ERCC8: variants seen among roughly 807,000 people sequenced by gnomAD.
The protein encoded by ERCC8 is DNA excision repair protein ERCC-8.
A neutral mutation model predicts 54.9 loss-of-function variants in ERCC8; 52 were observed. The ratio of observed to expected loss-of-function variants is 0.95; its 90% CI spans 0.76 to 1.19. ERCC8 has a LOEUF of 1.19. Ranked by LOEUF, ERCC8 falls within the 50% of genes most tolerant of loss-of-function variation. The probability of loss-of-function intolerance (pLI) is 0.00; values close to 1 mark genes in which losing one functional copy is unlikely to be tolerated. For synonymous variants in ERCC8, 146 were observed against 157.2 expected (o/e 0.93, Z 0.53); for missense variants, 514 against 466.1 (o/e 1.10, Z -0.95).
intron 11 of ERCC8, among the ~76,000 whole-genome samples, chr5:60,882,262 G>A (rs1353821693): frequency 6.6e-6 from 1 of 152,176 alleles, no homozygotes; most frequent in South Asian, 2.1e-4. Flanking sequence ...AAAGTTACGT[G>A]TTCCTAGTAC....
chr5:60,940,346 G>T (rs1750221099), intron 1 of ERCC8, among the ~76,000 whole-genome samples: 1 of 152,194 alleles, frequency 6.6e-6, no homozygotes, highest in Admixed American at 6.5e-5. Context: ...TGTTTTCTCT[G>T]TTCATCAGAG....
chr5:60,934,272 G>C (rs1406482077), intron 1 of ERCC8, among the ~76,000 whole-genome samples: 1 of 152,070 alleles, frequency 6.6e-6, no homozygotes, highest in African/African-American at 2.4e-5. Context: ...TTTGATTATG[G>C]TCATTCTTGC....
chr5:60,895,558 A>G (rs1748700673), intron 9 of ERCC8, among the ~76,000 whole-genome samples: 1 of 152,212 alleles, frequency 6.6e-6, no homozygotes, highest in South Asian at 2.1e-4. Context: ...CAAATGAAAT[A>G]ATCCATATGA....
chr5:60,936,356 T>C (rs1427343152), intron 1 of ERCC8, among the ~76,000 whole-genome samples: 2 of 152,278 alleles, frequency 1.3e-5, no homozygotes, highest in South Asian at 2.1e-4. Flanking sequence ...GTAGTAAGGG[T>C]TGTAATATCT....
At chr5:60,939,833 T>C (rs1750205989) in intron 1 of ERCC8, among the ~76,000 whole-genome samples, 1 of 152,208 alleles carries the variant, frequency 6.6e-6, no homozygotes, top group Non-Finnish European at 1.5e-5. Flanking sequence ...TCTCTAGAAC[T>C]ACTGATGAGA....
At chr5:60,918,569 C>T (rs571203558) in intron 3 of ERCC8, 181 bp from the exon 4 acceptor site, 36 of 606,132 alleles carry the variant, frequency 5.9e-5, no homozygotes, top group Admixed American at 1.2e-4. Context: ...TAGATTCAGG[C>T]TCCCACTGTG....
rs1748434025 is a variant in ERCC8, at chr5:60,887,596, AAATAATTAGGTCAT to A, written c.1042-90_1042-77del. ...ACTGAAATGAATTATATCATTTTTGAAATAATTAGGTCATAATAATTAGATTAATGCTATTTCTA... is the reference window on the plus strand; with the variant it reads ...ACTGAAATGAATTATATCATTTTTGAAATAATTAGATTAATGCTATTTCTA... On this transcript the variant is annotated intron_variant, in intron 10 of 11. Coordinates refer to ENST00000676185, the MANE Select transcript of ERCC8 (RefSeq NM_000082.4). The A allele has an allele frequency of 6.3e-5, 67 of 1,071,918 alleles. 1 individual carries two copies. In the South Asian group the frequency reaches 6.8e-4, roughly 11 times the overall value. 66.4% of individuals were successfully genotyped at this position (1,071,918 alleles called of 1,614,324 possible).
chr5:60,925,443 T>C (rs1017297034), intron 2 of ERCC8, among the ~76,000 whole-genome samples: 2 of 152,222 alleles, frequency 1.3e-5, no homozygotes, highest in African/African-American at 2.4e-5. Context: ...CAGACTGCTA[T>C]AGCTCCTTCT....
chr5:60,938,091 T>TATA, intron 1 of ERCC8, among the ~76,000 whole-genome samples: 3 of 6,574 alleles, frequency 4.6e-4, no homozygotes, highest in Non-Finnish European at 5.9e-4. Context: ...ATATATTTTA[T>TATA]TTTTTTTTTT....
chr5:60,866,723 T>G lies in ERCC8; in HGVS notation c.*7892A>C, dbSNP rs1030339861. ...GCCTTCAATGAACTTTAATTATAATTAGTTTAGAACCTAAGCCTCTAATTA... is the reference window on the plus strand; with the variant it reads ...GCCTTCAATGAACTTTAATTATAATGAGTTTAGAACCTAAGCCTCTAATTA... On this transcript the variant is annotated 3_prime_UTR_variant, in exon 12 of 12. Transcript: ENST00000676185. 26 of 152,238 alleles carry G rather than the reference T, an allele frequency of 1.7e-4. No homozygotes were observed. The highest frequency in any genetic ancestry group is 5.5e-4 in the African/African-American group (23 of 41,460). 9.4% of individuals were successfully genotyped at this position (152,238 alleles called of 1,614,324 possible). A position where few individuals can be genotyped will look rare whatever the true frequency, so the allele number is the denominator to read the frequency against.
Position 60,872,671 on chromosome 5 carries a change from T to C in ERCC8, c.*1944A>G, listed in dbSNP as rs1747888182. 6.6e-6 allele frequency among the ~76,000 whole-genome samples: 1 copy of C among 152,198 alleles called. No homozygotes were observed. Among genetic ancestry groups the C allele is most frequent in the South Asian group, 2.1e-4 (1 of 4,828 alleles). ...CAAGGATGTGAAGAAAAAGGATTTC[T>C]TGCATTATTGTGAAGAAAAAGGAAT... On this transcript the variant is annotated 3_prime_UTR_variant, in exon 12 of 12. Transcript: ENST00000676185.
intron 9 of ERCC8, chr5:60,893,594 G>C: frequency 1.6e-6 from 1 of 641,230 alleles, no homozygotes; most frequent in Admixed American, 2.5e-5. Flanking sequence ...CAGCTTGAAA[G>C]CAGATAGGTT....
Position 60,872,346 on chromosome 5 carries a change from CAATT to C in ERCC8, c.*2265_*2268del, listed in dbSNP as rs1380206208. ...AAAAGCTTCTGCACAGCAAAGGAAACAATTAATAGGGTGAAGAGACAACCTACAG... is the reference window on the plus strand; with the variant it reads ...AAAAGCTTCTGCACAGCAAAGGAAACAATAGGGTGAAGAGACAACCTACAG... On this transcript the variant is annotated 3_prime_UTR_variant, in exon 12 of 12. Coordinates refer to ENST00000676185, the MANE Select transcript of ERCC8 (RefSeq NM_000082.4). Among the ~76,000 whole-genome samples, 26 of 152,110 alleles carry C rather than the reference CAATT, an allele frequency of 1.7e-4. No homozygotes were observed. Among genetic ancestry groups the C allele is most frequent in the Non-Finnish European group, 1.5e-5 (1 of 67,978 alleles).
At chr5:60,892,677 GGGTCTGCC>G in intron 9 of ERCC8, 1 of 666,094 alleles carries the variant, frequency 1.5e-6, no homozygotes, top group Middle Eastern at 2.7e-4. Context: ...TGGGGTCATG[GGGTCTGCC>G]AGTCTCTAGA....
intron 11 of ERCC8, among the ~76,000 whole-genome samples, chr5:60,875,346 A>G (rs1296032476): frequency 6.6e-6 from 1 of 152,226 alleles, no homozygotes; most frequent in Non-Finnish European, 1.5e-5. Flanking sequence ...TAGTCAGCAC[A>G]TAGGTTTCCC....
chr5:60,913,794 C>T (rs948919282), intron 4 of ERCC8, among the ~76,000 whole-genome samples: 9 of 152,094 alleles, frequency 5.9e-5, no homozygotes, highest in African/African-American at 2.2e-4. Context: ...TACATTGTGT[C>T]ATTGTTCTCA....
At chr5:60,888,899 T>C (rs186378848) in intron 10 of ERCC8, among the ~76,000 whole-genome samples, 2 of 152,354 alleles carry the variant, frequency 1.3e-5, no homozygotes, top group East Asian at 3.9e-4. Context: ...TGTTTCATTA[T>C]TTGTTCCAAT....
intron 1 of ERCC8, among the ~76,000 whole-genome samples, chr5:60,939,327 G>A (rs551096339): frequency 4.6e-5 from 7 of 152,076 alleles, no homozygotes; most frequent in South Asian, 2.1e-4. Context: ...ATGTTCCTTC[G>A]GATTTCATTC....
intron 4 of ERCC8, among the ~76,000 whole-genome samples, chr5:60,913,335 C>T (rs182598035): frequency 0.012 from 1,887 of 152,052 alleles, 27 homozygotes; most frequent in Non-Finnish European, 0.021. Flanking sequence ...GTGTGTGTGT[C>T]GAGGAATTTA....
Sources: gnomAD v4.1 joint callset for allele counts (sites outside exome capture counted in the v4.1 genomes callset) on GRCh38, gnomAD v4.1.1 for gene constraint, MANE v1.5 for transcripts, NCBI Gene and HGNC (gene_info 2026-07-23, HGNC 2026-07-21) for gene names.